Variants in LAMA2 observed in about 807,000 individuals in gnomAD.
The protein encoded by LAMA2 is laminin subunit alpha-2.
In LAMA2, 269 loss-of-function variants were observed where a neutral mutation model predicts 364.8. The observed-to-expected ratio is 0.74, with a 90% CI of 0.67 to 0.82. The LOEUF (loss-of-function observed/expected upper bound fraction) is 0.82. LAMA2 is among the 40% of genes least tolerant of loss of function. The pLI is 0.00. For synonymous variants in LAMA2, 1,379 were observed against 1,370.6 expected, an observed-to-expected ratio of 1.01 and a Z score of -0.14; for missense variants, 3,807 against 3,873.2, an observed-to-expected ratio of 0.98 and a Z score of 0.45.
At chr6:129,422,665 G>A (rs938038559) in intron 40 of LAMA2, among the ~76,000 whole-genome samples, 21 of 152,100 alleles carry the variant, frequency 1.4e-4, no homozygotes, top group Admixed American at 4.6e-4. Flanking sequence ...TAAATAATCT[G>A]AATAGTTCTA....
At chr6:129,411,799 G>A (rs1471846857) in intron 40 of LAMA2, among the ~76,000 whole-genome samples, 2 of 151,880 alleles carry the variant, frequency 1.3e-5, no homozygotes, top group Non-Finnish European at 2.9e-5. Flanking sequence ...GAAAGAACTT[G>A]GATATAAAGG....
At chr6:129,215,705 C>G (rs922355334) in intron 12 of LAMA2, among the ~76,000 whole-genome samples, 7 of 152,060 alleles carry the variant, frequency 4.6e-5, no homozygotes, top group Non-Finnish European at 1.0e-4. Context: ...GTCACTTTAT[C>G]TATAAAATGG....
chr6:129,391,480 AC>A lies in LAMA2; in HGVS notation c.5072-6del, dbSNP rs398123376. 1.5e-3 allele frequency: 2,450 copies of A among 1,611,928 alleles called. 69 individuals are homozygous for A. The Admixed American group carries it at 0.039, about 26-fold the overall frequency. ...TTTACTAATTTACAAAATTTGTTTT[AC>A]CCCCTGCAGCTGTAAATGAAAAAGC... On this transcript the variant is annotated splice_polypyrimidine_tract_variant and intron_variant, in intron 35 of 64. Transcript: ENST00000421865.
At chr6:129,440,707 T>A (rs2114765101) in intron 42 of LAMA2, 109 bp from the exon 43 acceptor site, 1 of 966,644 alleles carries the variant, frequency 1.0e-6, no homozygotes, top group Non-Finnish European at 1.7e-6. Context: ...CTTTTCCCTT[T>A]GTAAATGTGT....
intron 14 of LAMA2, among the ~76,000 whole-genome samples, chr6:129,260,058 G>A (rs1264794202): frequency 6.6e-6 from 1 of 152,056 alleles, no homozygotes; most frequent in Non-Finnish European, 1.5e-5. Context: ...AAAATAATGA[G>A]TTATGCCAAA....
At chr6:128,957,930 T>G (rs1781255762) in intron 1 of LAMA2, among the ~76,000 whole-genome samples, 3 of 150,204 alleles carry the variant, frequency 2.0e-5, no homozygotes, top group African/African-American at 7.3e-5. Flanking sequence ...AAGAGTTGTA[T>G]CATCTGCAAG....
chr6:129,329,205 C>G (rs1230323935), intron 29 of LAMA2, among the ~76,000 whole-genome samples: 2 of 152,194 alleles, frequency 1.3e-5, no homozygotes, highest in Non-Finnish European at 2.9e-5. Context: ...TGAAACCATT[C>G]TACTGAGCCT....
intron 61 of LAMA2, among the ~76,000 whole-genome samples, 175 bp downstream of exon 61, chr6:129,505,530 A>G (rs1261215959): frequency 6.6e-6 from 1 of 152,004 alleles, no homozygotes; most frequent in Non-Finnish European, 1.5e-5. Flanking sequence ...TTGTTTTGAG[A>G]CAGAGTCTCG....
At chr6:129,115,085 G>A (rs895710760) in intron 4 of LAMA2, among the ~76,000 whole-genome samples, 4 of 151,824 alleles carry the variant, frequency 2.6e-5, no homozygotes, top group African/African-American at 9.7e-5. Context: ...TTCACCCTCA[G>A]AGATCTATAT....
At chr6:128,987,402 A>G (rs1275875895) in intron 1 of LAMA2, among the ~76,000 whole-genome samples, 1 of 151,940 alleles carries the variant, frequency 6.6e-6, no homozygotes, top group African/African-American at 2.4e-5. Context: ...CGGCCTCCCA[A>G]ACTGCTGGGA....
chr6:128,934,540 C>T (rs58160199), intron 1 of LAMA2, among the ~76,000 whole-genome samples: 4,895 of 150,938 alleles, frequency 0.032, 134 homozygotes, highest in African/African-American at 0.075. Flanking sequence ...TCCCTCTTTT[C>T]GCTCAAGGTG....
At chr6:129,492,241 T>A in intron 57 of LAMA2, 74 bp from the exon 58 acceptor site, 1 of 1,508,874 alleles carries the variant, frequency 6.6e-7, no homozygotes, top group South Asian at 1.1e-5. Context: ...TAAAAAGGCA[T>A]GCGGGGATTG....
chr6:129,504,446 T>C (rs1785897112), intron 60 of LAMA2, among the ~76,000 whole-genome samples: 1 of 152,236 alleles, frequency 6.6e-6, no homozygotes, highest in South Asian at 2.1e-4. Flanking sequence ...AGAATAGATA[T>C]GTGTAAAATG....
At chr6:129,006,215 A>C (rs1427651382) in intron 1 of LAMA2, among the ~76,000 whole-genome samples, 3 of 152,182 alleles carry the variant, frequency 2.0e-5, no homozygotes, top group Non-Finnish European at 4.4e-5. Flanking sequence ...GTGAGCCTAC[A>C]TAATTGAGAC....
At chr6:129,310,177 G>A (rs1341884938) in intron 22 of LAMA2, among the ~76,000 whole-genome samples, 1 of 152,098 alleles carries the variant, frequency 6.6e-6, no homozygotes, top group East Asian at 1.9e-4. Context: ...GGGATTACAG[G>A]CGTGAGCCAC....
In LAMA2 at chr6:129,039,362, G is replaced by A. The variant is rs536737402; in HGVS notation, c.113-10556G>A. 5.9e-5 allele frequency among the ~76,000 whole-genome samples: 9 copies of A among 152,254 alleles called. No homozygotes were observed. In the South Asian group the frequency reaches 1.9e-3, roughly 32 times the overall value. On this transcript the variant is annotated intron_variant, in intron 1 of 64. Transcript: ENST00000421865. ...AAAATGCCTGCTATATTTGTAAATAGGAAGAGATCAGTTCACTAGATGTAT... is the reference window on the plus strand; with the variant it reads ...AAAATGCCTGCTATATTTGTAAATAAGAAGAGATCAGTTCACTAGATGTAT...
intron 10 of LAMA2, among the ~76,000 whole-genome samples, chr6:129,179,571 C>T (rs1780810387): frequency 6.6e-6 from 1 of 152,122 alleles, no homozygotes; most frequent in Non-Finnish European, 1.5e-5. Context: ...CAATATTGTA[C>T]TGAGAATTAT....
intron 56 of LAMA2, among the ~76,000 whole-genome samples, chr6:129,489,937 A>T (rs1377697802): frequency 6.6e-6 from 1 of 152,112 alleles, no homozygotes; most frequent in Non-Finnish European, 1.5e-5. Flanking sequence ...TGTAAAAAAA[A>T]AAAATAAAGC....
chr6:129,101,643 C>T (rs1031131630), intron 4 of LAMA2, among the ~76,000 whole-genome samples: 1 of 152,182 alleles, frequency 6.6e-6, no homozygotes, highest in African/African-American at 2.4e-5. Context: ...TTCCATTTCC[C>T]CATTACACTA....
Sources: gnomAD v4.1 joint callset for allele counts (sites outside exome capture counted in the v4.1 genomes callset) on GRCh38, gnomAD v4.1.1 for gene constraint, MANE v1.5 for transcripts, NCBI Gene and HGNC (gene_info 2026-07-23, HGNC 2026-07-21) for gene names.